The following RALGAPA1 variants were observed in gnomAD, a reference collection of about 807,000 sequenced individuals.
The protein encoded by RALGAPA1 is ral GTPase-activating protein subunit alpha-1.
RALGAPA1 carries 52 observed loss-of-function variants against 269.6 expected under a neutral mutation model. That is an observed-to-expected ratio of 0.19 (90% CI 0.15 to 0.24). The LOEUF is 0.24. Ranked by LOEUF, RALGAPA1 falls within the 10% of genes least tolerant of loss-of-function variation. The pLI, the probability that RALGAPA1 is intolerant of heterozygous loss-of-function variation, is 1.00. For missense variants in RALGAPA1, 1,917 were observed against 3,013.9 expected (o/e 0.64, Z 8.52); for synonymous variants, 817 against 1,008.3 (o/e 0.81, Z 3.60).
chr14:35,680,766 C>G (rs2065362800), intron 21 of RALGAPA1, among the ~76,000 whole-genome samples: 1 of 151,952 alleles, frequency 6.6e-6, no homozygotes. Context: ...AGGTGCCCAC[C>G]ACCACGCCCG....
At chr14:35,725,368 CCT>C (rs2069798917) in intron 13 of RALGAPA1, among the ~76,000 whole-genome samples, 1 of 152,024 alleles carries the variant, frequency 6.6e-6, no homozygotes, top group African/African-American at 2.4e-5. Flanking sequence ...GCCACAATAT[CCT>C]CTCATCAAAT....
chr14:35,767,496 G>A (rs1475878382), intron 4 of RALGAPA1, among the ~76,000 whole-genome samples: 1 of 152,034 alleles, frequency 6.6e-6, no homozygotes, highest in Non-Finnish European at 1.5e-5. Context: ...GACCATCCTG[G>A]CCAACATGGT....
intron 26 of RALGAPA1, 104 bp from the exon 27 acceptor site, chr14:35,664,871 A>G: frequency 9.9e-7 from 1 of 1,006,660 alleles, no homozygotes; most frequent in Non-Finnish European, 1.5e-6. Flanking sequence ...AGTGATACAT[A>G]AAACAAAATT....
At chr14:35,698,442 C>T (rs573465414) in intron 17 of RALGAPA1, among the ~76,000 whole-genome samples, 27 of 151,990 alleles carry the variant, frequency 1.8e-4, no homozygotes, top group Non-Finnish European at 3.4e-4. Flanking sequence ...CTGTAAATCC[C>T]TTAAGATGTG....
At chr14:35,789,121 C>T (rs534746384) in intron 1 of RALGAPA1, among the ~76,000 whole-genome samples, 6 of 152,038 alleles carry the variant, frequency 3.9e-5, no homozygotes, top group Admixed American at 2.0e-4. Flanking sequence ...ACTCCTATAC[C>T]TACATGATAG....
chr14:35,598,172 G>T (rs1370355494), intron 36 of RALGAPA1, among the ~76,000 whole-genome samples: 1 of 151,922 alleles, frequency 6.6e-6, no homozygotes, highest in East Asian at 1.9e-4. Flanking sequence ...ATCAGCTTTA[G>T]TGTCACATAT....
intron 7 of RALGAPA1, among the ~76,000 whole-genome samples, chr14:35,755,441 T>C (rs1595441610): frequency 6.6e-6 from 1 of 152,336 alleles, no homozygotes; most frequent in Non-Finnish European, 1.5e-5. Flanking sequence ...AAAGGTTTCA[T>C]GGATGTATAC....
chr14:35,666,455 C>T (rs2063948699), intron 26 of RALGAPA1, among the ~76,000 whole-genome samples: 1 of 152,146 alleles, frequency 6.6e-6, no homozygotes, highest in Non-Finnish European at 1.5e-5. Context: ...AAACTCCTGA[C>T]CTCAAGTGAT....
chr14:35,711,632 TAG>T (rs1284145167), intron 16 of RALGAPA1, among the ~76,000 whole-genome samples: 1 of 152,080 alleles, frequency 6.6e-6, no homozygotes, highest in Non-Finnish European at 1.5e-5. Flanking sequence ...ATTTTTTTTG[TAG>T]AGACAGAGTT....
chr14:35,663,351 C>T (rs2063680767), intron 27 of RALGAPA1, among the ~76,000 whole-genome samples: 1 of 151,636 alleles, frequency 6.6e-6, no homozygotes, highest in Admixed American at 6.6e-5. Flanking sequence ...TATATGGATG[C>T]TATAGAAAGT....
At chr14:35,773,787 C>G (rs1040075692) in intron 3 of RALGAPA1, among the ~76,000 whole-genome samples, 4 of 152,094 alleles carry the variant, frequency 2.6e-5, no homozygotes, top group Admixed American at 6.6e-5. Context: ...ATCAGCGTTA[C>G]TACTGTTTGG....
chr14:35,577,063 G>C (rs1325400871), intron 37 of RALGAPA1, among the ~76,000 whole-genome samples: 1 of 152,152 alleles, frequency 6.6e-6, no homozygotes, highest in Non-Finnish European at 1.5e-5. Context: ...GATGTGATTT[G>C]TTATGGTGAA....
At chr14:35,715,948 A>C (rs1318634719) in intron 16 of RALGAPA1, 2 of 985,390 alleles carry the variant, frequency 2.0e-6, no homozygotes, top group East Asian at 2.3e-4. Flanking sequence ...CTCTATTTGC[A>C]AACCAGTGGT....
chr14:35,800,499 A>T (rs2141909815), intron 1 of RALGAPA1, among the ~76,000 whole-genome samples: 1 of 152,130 alleles, frequency 6.6e-6, no homozygotes, highest in East Asian at 1.9e-4. Flanking sequence ...CCCATGGATT[A>T]AAAAAAATCA....
intron 11 of RALGAPA1, among the ~76,000 whole-genome samples, chr14:35,740,699 T>C (rs2071466898): frequency 6.6e-6 from 1 of 152,086 alleles, no homozygotes; most frequent in African/African-American, 2.4e-5. Context: ...TCCCAGCTAC[T>C]TGGGTGGCTG....
intron 3 of RALGAPA1, among the ~76,000 whole-genome samples, chr14:35,773,921 A>ATTT (rs946446908): frequency 2.2e-4 from 33 of 151,964 alleles, no homozygotes; most frequent in Admixed American, 1.8e-3. Context: ...TATTATTATT[A>ATTT]TTATTATTAT....
At position 35,539,693 on chromosome 14, in the gene RALGAPA1, G is replaced by A. The variant is rs2053788885; in HGVS notation, c.*24-3C>T. The A allele has an allele frequency of 1.9e-6, 3 of 1,613,686 alleles. No homozygotes were observed. The highest frequency in any genetic ancestry group is 4.5e-5 in the East Asian group (2 of 44,838). On this transcript the variant is annotated splice_region_variant and splice_polypyrimidine_tract_variant and intron_variant, in intron 41 of 41. Coordinates refer to ENST00000680220, the MANE Select transcript of RALGAPA1 (RefSeq NM_001346249.2). Reference sequence around the variant, plus strand: ...GGGTAGAATCTCTGGGTAGGAGCCTGTAGGAAACAGCAAGAGCATTACTAC... The same window carrying A: ...GGGTAGAATCTCTGGGTAGGAGCCTATAGGAAACAGCAAGAGCATTACTAC...
chr14:35,626,019 CAA>C (rs1415597355), intron 34 of RALGAPA1, among the ~76,000 whole-genome samples: 1 of 152,098 alleles, frequency 6.6e-6, no homozygotes, highest in African/African-American at 2.4e-5. Flanking sequence ...CATTCTACAG[CAA>C]AAGAGAGTAG....
chr14:35,610,286 C>CT (rs555907360), intron 35 of RALGAPA1, among the ~76,000 whole-genome samples: 183 of 141,516 alleles, frequency 1.3e-3, no homozygotes, highest in South Asian at 4.1e-3. Context: ...CAATTTTTTT[C>CT]TTTTTTTTTT....
Sources: gnomAD v4.1 joint callset for allele counts (sites outside exome capture counted in the v4.1 genomes callset) on GRCh38, gnomAD v4.1.1 for gene constraint, MANE v1.5 for transcripts, NCBI Gene and HGNC (gene_info 2026-07-23, HGNC 2026-07-21) for gene names.